C8orf34: variants seen among roughly 807,000 people sequenced by gnomAD.
C8orf34 encodes uncharacterized protein C8orf34.
In C8orf34, 65 loss-of-function variants were observed where a neutral mutation model predicts 68.3. The ratio of observed to expected loss-of-function variants is 0.95; its 90% CI spans 0.78 to 1.17. The LOEUF (loss-of-function observed/expected upper bound fraction) is 1.17. C8orf34 is among the 50% of genes most tolerant of loss of function. C8orf34 has a pLI of 0.00. For synonymous variants in C8orf34, 244 were observed against 241.2 expected (o/e 1.01, Z -0.11); for missense variants, 664 against 655.4 (o/e 1.01, Z -0.14).
intron 5 of C8orf34, among the ~76,000 whole-genome samples, chr8:68,499,153 C>T (rs546988488): frequency 8.3e-4 from 126 of 152,242 alleles, no homozygotes; most frequent in Non-Finnish European, 1.7e-3. Flanking sequence ...TGCTTAGCTC[C>T]CACTTGTAAG....
intron 3 of C8orf34, among the ~76,000 whole-genome samples, chr8:68,462,398 C>A (rs560507151): frequency 1.4e-3 from 208 of 152,222 alleles, no homozygotes; most frequent in African/African-American, 4.9e-3. Context: ...AGAAAGTTAA[C>A]AAGGATACCC....
chr8:68,486,284 T>C (rs1813075574), intron 4 of C8orf34, among the ~76,000 whole-genome samples: 1 of 152,124 alleles, frequency 6.6e-6, no homozygotes, highest in Admixed American at 6.5e-5. Context: ...TCCATCACGG[T>C]TCACTCAGCA....
At chr8:68,599,397 A>C (rs1362926672) in intron 7 of C8orf34, among the ~76,000 whole-genome samples, 1 of 152,082 alleles carries the variant, frequency 6.6e-6, no homozygotes, top group Non-Finnish European at 1.5e-5. Context: ...ATCTTAGCCG[A>C]AAGTAATCTT....
At chr8:68,610,983 G>C (rs192013294) in intron 7 of C8orf34, among the ~76,000 whole-genome samples, 170 of 151,014 alleles carry the variant, frequency 1.1e-3, no homozygotes, top group African/African-American at 4.0e-3. Context: ...TCCTGCCTCA[G>C]CCTTCCAAGT....
chr8:68,600,126 A>G (rs548651247), intron 7 of C8orf34, among the ~76,000 whole-genome samples: 28 of 152,218 alleles, frequency 1.8e-4, no homozygotes, highest in South Asian at 1.5e-3. Flanking sequence ...GGTTTTTAGC[A>G]TATCTGTTTT....
intron 7 of C8orf34, among the ~76,000 whole-genome samples, chr8:68,578,459 A>C (rs778181738): frequency 1.9e-4 from 29 of 151,962 alleles, no homozygotes; most frequent in Non-Finnish European, 3.5e-4. Flanking sequence ...ATTCTTTTAG[A>C]TCAGGAGGGT....
chr8:68,566,950 T>C (rs975845091), intron 7 of C8orf34, among the ~76,000 whole-genome samples: 44 of 152,228 alleles, frequency 2.9e-4, no homozygotes, highest in African/African-American at 1.1e-3. Flanking sequence ...TTGCGTATGT[T>C]AAACCATCCC....
chr8:68,760,289 A>G (rs1225301323), intron 10 of C8orf34, among the ~76,000 whole-genome samples: 1 of 152,182 alleles, frequency 6.6e-6, no homozygotes, highest in Non-Finnish European at 1.5e-5. Context: ...TGTGATTTAT[A>G]GGTATTGCCT....
chr8:68,523,443 C>T (rs561024787), intron 6 of C8orf34, among the ~76,000 whole-genome samples: 27 of 152,226 alleles, frequency 1.8e-4, no homozygotes, highest in African/African-American at 5.5e-4. Flanking sequence ...CTAATCCTAG[C>T]GGACTCCCTT....
chr8:68,448,568 A>C (rs1343015729), intron 3 of C8orf34, among the ~76,000 whole-genome samples: 1 of 152,274 alleles, frequency 6.6e-6, no homozygotes, highest in Non-Finnish European at 1.5e-5. Flanking sequence ...TAGACACATT[A>C]GAATAGGATG....
At chr8:68,469,109 G>A (rs1812272459) in intron 4 of C8orf34, among the ~76,000 whole-genome samples, 1 of 151,910 alleles carries the variant, frequency 6.6e-6, no homozygotes, top group Non-Finnish European at 1.5e-5. Flanking sequence ...CCTAATAGTA[G>A]CTTCTTCATT....
At position 68,789,043 on chromosome 8, in the gene C8orf34, A is replaced by G. The variant is rs1427096420; in HGVS notation, c.1549+1507A>G. On this transcript the variant is annotated intron_variant, in intron 12 of 13. Coordinates refer to ENST00000518698, the MANE Select transcript of C8orf34 (RefSeq NM_052958.4). ...AATGTGAAAGTATTAATAGTGCTCC[A>G]AAAGTTTTATGAAAAAATGCAAACA... Among the ~76,000 whole-genome samples the G allele has an allele frequency of 9.8e-5, 15 of 152,344 alleles. No individual in the cohort carries two copies. The South Asian group carries it at 3.1e-3, about 32-fold the overall frequency.
chr8:68,652,774 A>T (rs1228871800), intron 8 of C8orf34, among the ~76,000 whole-genome samples: 2 of 152,162 alleles, frequency 1.3e-5, no homozygotes, highest in East Asian at 1.9e-4. Context: ...TACAGTGCCA[A>T]ACTTGGAATT....
intron 10 of C8orf34, among the ~76,000 whole-genome samples, chr8:68,761,607 T>A (rs1208496777): frequency 6.6e-6 from 1 of 152,214 alleles, no homozygotes; most frequent in Non-Finnish European, 1.5e-5. Context: ...AACGATTCTT[T>A]ATGTGACCTT....
At chr8:68,471,989 A>G (rs1366218163) in intron 4 of C8orf34, among the ~76,000 whole-genome samples, 1 of 151,662 alleles carries the variant, frequency 6.6e-6, no homozygotes, top group Non-Finnish European at 1.5e-5. Context: ...AGGAAAGACT[A>G]GATAGTCTCT....
chr8:68,460,031 C>T (rs1434067966), intron 3 of C8orf34, among the ~76,000 whole-genome samples: 1 of 152,154 alleles, frequency 6.6e-6, no homozygotes, highest in Non-Finnish European at 1.5e-5. Context: ...AGTTCCCTTT[C>T]CTAGTCAAAG....
At chr8:68,559,840 G>T (rs1816367349) in intron 7 of C8orf34, among the ~76,000 whole-genome samples, 1 of 152,144 alleles carries the variant, frequency 6.6e-6, no homozygotes, top group Admixed American at 6.5e-5. Flanking sequence ...CTAGGGACAT[G>T]TGGGTGGGCT....
chr8:68,648,761 G>T (rs1331444089), intron 8 of C8orf34, among the ~76,000 whole-genome samples: 1 of 152,142 alleles, frequency 6.6e-6, no homozygotes, highest in East Asian at 1.9e-4. Flanking sequence ...TGTTGTTTTT[G>T]AACTGATTTG....
chr8:68,758,146 G>T (rs1200757741), intron 10 of C8orf34, among the ~76,000 whole-genome samples: 1 of 152,208 alleles, frequency 6.6e-6, no homozygotes, highest in Non-Finnish European at 1.5e-5. Flanking sequence ...TTTCCACTCT[G>T]TTTGAGGAAA....
Sources: gnomAD v4.1 joint callset for allele counts (sites outside exome capture counted in the v4.1 genomes callset) on GRCh38, gnomAD v4.1.1 for gene constraint, MANE v1.5 for transcripts, NCBI Gene and HGNC (gene_info 2026-07-23, HGNC 2026-07-21) for gene names.